The following RP1L1 variants were observed in gnomAD, a reference collection of about 807,000 sequenced individuals.
The protein encoded by RP1L1 is retinitis pigmentosa 1-like 1 protein.
In RP1L1, 27 loss-of-function variants were observed where a neutral mutation model predicts 15.7. That is an observed-to-expected ratio of 1.72 (90% CI 1.27 to 2.38). The LOEUF is 2.38. Among genes scored for constraint, RP1L1 ranks in the 30% most tolerant of loss-of-function variants. RP1L1 has a pLI of 0.00. For missense variants in RP1L1, 4,798 were observed against 3,075.9 expected (o/e 1.56, Z -13.24); for synonymous variants, 1,813 against 1,276.7 (o/e 1.42, Z -8.96).
chr8:10,610,641 T>C lies in RP1L1; in HGVS notation c.3457A>G (p.Ile1153Val), dbSNP rs148203843. The C allele has an allele frequency of 2.5e-6, 4 of 1,612,442 alleles. No individual in the cohort carries two copies. Among genetic ancestry groups the C allele is most frequent in the Admixed American group, 3.3e-5 (2 of 59,760 alleles). The part of the protein sequence containing the change: ...DSPRYQELLS[I>V]SKDLWPGCDV... ...CATCCTGGCCACAGGTCCTTCGAGA[T>C]GCTGAGCAGCTCCTGGTACCGAGGG... Residue 1153 changes from isoleucine to valine, a missense_variant, in exon 4 of 4, where the codon ATC becomes GTC. By Grantham distance (29) the Ile-to-Val change is conservative. Coordinates refer to ENST00000382483, the MANE Select transcript of RP1L1 (RefSeq NM_178857.6).
Position 10,622,635 on chromosome 8 carries a change from CAGG to C in RP1L1, c.564_566del (p.Leu189del), listed in dbSNP as rs1798079514. Reference sequence around the variant, plus strand: ...TGTACAACTGCTTCACAGGAAAGCGCAGGAGATCTGAGGCTTTGCCGAGAAAGG... The same window carrying C: ...TGTACAACTGCTTCACAGGAAAGCGCAGATCTGAGGCTTTGCCGAGAAAGG... On this transcript the variant is annotated inframe_deletion, in exon 2 of 4. Coordinates refer to ENST00000382483, the MANE Select transcript of RP1L1 (RefSeq NM_178857.6). 3.7e-6 allele frequency: 6 copies of C among 1,614,108 alleles called. No homozygotes were observed. Among genetic ancestry groups the C allele is most frequent in the Non-Finnish European group, 5.1e-6 (6 of 1,180,046 alleles).
rs1252574169 is a variant in RP1L1 at position 10,607,285 on chromosome 8, TG to T, written c.6812del (p.Pro2271GlnfsTer128). 6.2e-7 allele frequency: 1 copy of T among 1,614,122 alleles called. No individual in the cohort carries two copies. Among genetic ancestry groups the T allele is most frequent in the Non-Finnish European group, 8.5e-7 (1 of 1,180,042 alleles). ...GTGGAGTGGGCCTGTCCTCAGGGAC[TG>T]GGCTGCTGCTTTCAGAAGCCTCCTC... ...QSEEASESSS[P>X]VPEDRPTPPP... On this transcript the variant is annotated frameshift_variant, in exon 4 of 4. Transcript: ENST00000382483. LOFTEE classifies it low-confidence loss of function (END_TRUNC).
In RP1L1 at chr8:10,613,225, C is replaced by T. The variant is rs544079946; in HGVS notation, c.873G>A (p.Arg291=). ...ACTGAGCTGGCGTGTCCTGAGGGTG[C>T]CTGCCAGGAGCAGGGCCCACCGGGG... ...SNPPVGPAPG[R]HPQDTPAQSG... The change falls in exon 4 of 4, where the codon AGG becomes AGA. Residue 291 remains arginine, a synonymous_variant. Transcript: ENST00000382483. 3.1e-6 allele frequency: 5 copies of T among 1,613,192 alleles called. No homozygotes were observed. Among genetic ancestry groups the T allele is most frequent in the Non-Finnish European group, 4.2e-6 (5 of 1,180,022 alleles).
At chr8:10,650,566 T>C (rs1383515972) in intron 1 of RP1L1, among the ~76,000 whole-genome samples, 2 of 151,854 alleles carry the variant, frequency 1.3e-5, no homozygotes, top group Non-Finnish European at 2.9e-5. Context: ...TTTTTTTTTT[T>C]TTTTAATTGA....
chr8:10,624,165 A>G (rs1798120451), intron 1 of RP1L1, among the ~76,000 whole-genome samples: 1 of 152,174 alleles, frequency 6.6e-6, no homozygotes, highest in African/African-American at 2.4e-5. Context: ...TACTCATCAC[A>G]TTCTCCACAC....
At chr8:10,634,248 G>A (rs948149037) in intron 1 of RP1L1, among the ~76,000 whole-genome samples, 8 of 152,184 alleles carry the variant, frequency 5.3e-5, no homozygotes, top group African/African-American at 1.9e-4. Flanking sequence ...TGAACCATGT[G>A]CCTGTCACCC....
Position 10,612,356 on chromosome 8 carries a change from A to G in RP1L1, c.1742T>C (p.Leu581Pro), listed in dbSNP as rs1160876771. The change falls in exon 4 of 4, where the codon CTT becomes CCT. Residue 581 changes from leucine to proline, a missense_variant. Physicochemically the swap from Leu to Pro is moderately conservative, Grantham distance 98. Transcript: ENST00000382483. ...CAGGTCGTCACTCCTTAAAGATGAA[A>G]GACTCAGGGCTGGAGAAGCGGGGTC... ...GGDPASPALS[L>P]SSLRSDDLQA... The G allele has an allele frequency of 6.2e-7, 1 of 1,612,954 alleles. No individual in the cohort carries two copies. Among genetic ancestry groups the G allele is most frequent in the African/African-American group, 1.3e-5 (1 of 74,906 alleles).
intron 1 of RP1L1, among the ~76,000 whole-genome samples, chr8:10,649,049 GC>G (rs1798521087): frequency 6.6e-6 from 1 of 152,338 alleles, no homozygotes; most frequent in African/African-American, 2.4e-5. Flanking sequence ...CCATGCCTGA[GC>G]CCAGATGGGA....
rs138274896 is a variant in RP1L1, at chr8:10,628,921, G to A, written c.-19-5701C>T. Among the ~76,000 whole-genome samples, 69 of 152,350 alleles carry A rather than the reference G, an allele frequency of 4.5e-4. 1 individual carries two copies. Among genetic ancestry groups the A allele is most frequent in the Non-Finnish European group, 7.6e-4 (52 of 68,038 alleles). ...ATCAGTAAGGGAAGTAGGTTAATGA[G>A]ATGGCCTGGATTTGCAGGGCTTACA... On this transcript the variant is annotated intron_variant, in intron 1 of 3. Coordinates refer to ENST00000382483, the MANE Select transcript of RP1L1 (RefSeq NM_178857.6).
chr8:10,609,173 G>T lies in RP1L1; in HGVS notation c.4925C>A (p.Ala1642Asp), dbSNP rs1361812646. The T allele has an allele frequency of 1.2e-6, 2 of 1,612,438 alleles. No homozygotes were observed. The highest frequency in any genetic ancestry group is 4.5e-5 in the East Asian group (2 of 44,866). ...TLEDEPALST[A>D]LGSQLGEEAE... is the part of the protein sequence containing the mutation. ...CTCCTCGCCCAGCTGGCTCCCCAGG[G>T]CTGTGCTGAGGGCTGGCTCGTCCTC... Residue 1642 changes from alanine (A) to aspartate (D), a missense_variant, in exon 4 of 4, where the codon GCC becomes GAC. By Grantham distance (126) the Ala-to-Asp change is moderately radical. Transcript: ENST00000382483.
At chr8:10,618,822 G>T (rs1227231069) in intron 2 of RP1L1, among the ~76,000 whole-genome samples, 1 of 152,148 alleles carries the variant, frequency 6.6e-6, no homozygotes, top group South Asian at 2.1e-4. Context: ...TTCCAGTACT[G>T]CAGAGGTTTC....
Position 10,607,212 on chromosome 8 carries a change from T to C in RP1L1, c.6886A>G (p.Thr2296Ala). 2 of 1,614,182 alleles carry C rather than the reference T, an allele frequency of 1.2e-6. No individual in the cohort carries two copies. The highest frequency in any genetic ancestry group is 1.7e-5 in the Admixed American group (1 of 60,028). Reference protein sequence around the residue: ...DTPHQRPGSQTGPSSSRASSW... With the variant: ...DTPHQRPGSQAGPSSSRASSW... ...GATGCTCTGGAGGAGGAAGGGCCTG[T>C]TTGGGAGCCTGGCCTTTGGTGGGGA... Residue 2296 changes from threonine to alanine, a missense_variant, in exon 4 of 4, where the codon ACA (threonine) becomes GCA (alanine). Physicochemically the swap from Thr to Ala is moderately conservative, Grantham distance 58. Coordinates refer to ENST00000382483, the MANE Select transcript of RP1L1 (RefSeq NM_178857.6).
chr8:10,623,314 C>A, intron 1 of RP1L1, 94 bp from the exon 2 acceptor site: 1 of 918,604 alleles, frequency 1.1e-6, no homozygotes. Context: ...TTCCTGCCCA[C>A]CCCAAATGTG....
At position 10,631,361 on chromosome 8, in the gene RP1L1, A is replaced by AC. The variant is rs1491312075; in HGVS notation, c.-19-8142_-19-8141insG. 7.0e-3 allele frequency among the ~76,000 whole-genome samples: 253 copies of AC among 36,320 alleles called. 6 individuals carry two copies. The highest frequency in any genetic ancestry group is 0.026 in the African/African-American group (241 of 9,424). The allele number at this position is 36,320 out of a possible 152,430, so 23.8% of individuals were successfully genotyped here. ...CACACACACGCACACACATGCACAC[A>AC]AACACACATGCACACAAACACACAT... On this transcript the variant is annotated intron_variant, in intron 1 of 3. Transcript: ENST00000382483.
chr8:10,647,968 A>T (rs1798503612), intron 1 of RP1L1, among the ~76,000 whole-genome samples: 1 of 152,110 alleles, frequency 6.6e-6, no homozygotes, highest in Non-Finnish European at 1.5e-5. Context: ...ATGGTGCACA[A>T]GGAATCCAGA....
In RP1L1 at chr8:10,609,172, G is replaced by A. The variant is rs1797775347; in HGVS notation, c.4926C>T (p.Ala1642=). Reference sequence around the variant, plus strand: ...CCTCCTCGCCCAGCTGGCTCCCCAGGGCTGTGCTGAGGGCTGGCTCGTCCT... The same window carrying A: ...CCTCCTCGCCCAGCTGGCTCCCCAGAGCTGTGCTGAGGGCTGGCTCGTCCT... ...TLEDEPALST[A]LGSQLGEEAE... The change falls in exon 4 of 4, where the codon GCC becomes GCT. Residue 1642 remains alanine, a synonymous_variant. Coordinates refer to ENST00000382483, the MANE Select transcript of RP1L1 (RefSeq NM_178857.6). The A allele has an allele frequency of 1.9e-6, 3 of 1,612,540 alleles. No individual in the cohort carries two copies. Among genetic ancestry groups the A allele is most frequent in the African/African-American group, 2.7e-5 (2 of 75,062 alleles).
Position 10,613,222 on chromosome 8 carries a change from G to T in RP1L1, c.876C>A (p.His292Gln). ...CCGACTGAGCTGGCGTGTCCTGAGG[G>T]TGCCTGCCAGGAGCAGGGCCCACCG... ...NPPVGPAPGR[H>Q]PQDTPAQSGP... Residue 292 changes from histidine to glutamine, a missense_variant, in exon 4 of 4, where the codon CAC becomes CAA. Coordinates refer to ENST00000382483, the MANE Select transcript of RP1L1 (RefSeq NM_178857.6). 6.2e-7 allele frequency: 1 copy of T among 1,613,328 alleles called. No individual in the cohort carries two copies. The highest frequency in any genetic ancestry group is 8.5e-7 in the Non-Finnish European group (1 of 1,180,018).
In RP1L1 at chr8:10,612,522, G is replaced by C. The variant is rs753741383; in HGVS notation, c.1576C>G (p.Arg526Gly). 1.2e-6 allele frequency: 2 copies of C among 1,610,974 alleles called. No homozygotes were observed. The highest frequency in any genetic ancestry group is 1.7e-5 in the Admixed American group (1 of 60,000). ...EQGGRLTPRARSEEGASSDSS... is the reference protein window; with the variant it reads ...EQGGRLTPRAGSEEGASSDSS... ...TCCGAAGAAGCCCCCTCCTCACTCC[G>C]GGCCCTCGGTGTCAGGCGGCCGCCT... The change falls in exon 4 of 4, where the codon CGG becomes GGG. Residue 526 changes from arginine to glycine, a missense_variant. Coordinates refer to ENST00000382483, the MANE Select transcript of RP1L1 (RefSeq NM_178857.6).
chr8:10,609,459 G>T lies in RP1L1; in HGVS notation c.4639C>A (p.Leu1547Met), dbSNP rs1258040566. Residue 1547 changes from leucine to methionine, a missense_variant, in exon 4 of 4, where the codon CTG (leucine) becomes ATG (methionine). Transcript: ENST00000382483. ...TGGTCCAGCAGATCATTGTCCTGCA[G>T]GCCCCAGCGTGCTCGGAGCTCAGCC... ...AVAELRARWG[L>M]QDNDLLDQMA... 1.9e-6 allele frequency: 3 copies of T among 1,612,418 alleles called. No individual in the cohort carries two copies. Among genetic ancestry groups the T allele is most frequent in the Admixed American group, 1.7e-5 (1 of 60,026 alleles).
Sources: allele counts gnomAD v4.1 joint callset (sites outside exome capture counted in the v4.1 genomes callset), GRCh38; gene constraint gnomAD v4.1.1; transcripts MANE v1.5; gene names NCBI Gene and HGNC (gene_info 2026-07-23, HGNC 2026-07-21).